TRAF7: variants seen among roughly 807,000 people sequenced by gnomAD.
TRAF7 encodes the protein TNF receptor associated factor 7.
Under a neutral mutation model 89.3 loss-of-function variants are expected in TRAF7, and 45 were observed. The observed-to-expected ratio is 0.50, with a 90% confidence interval of 0.40 to 0.65. TRAF7 has a LOEUF of 0.65. Ranked by LOEUF, TRAF7 falls within the 30% of genes least tolerant of loss-of-function variation. The probability of loss-of-function intolerance (pLI) is 0.00; values close to 1 mark genes in which losing one functional copy is unlikely to be tolerated. For synonymous variants in TRAF7, 406 were observed against 369.2 expected, an observed-to-expected ratio of 1.10 and a Z score of -1.14; for missense variants, 677 against 918.1, an observed-to-expected ratio of 0.74 and a Z score of 3.39.
chr16:2,163,436 C>CGCACCT lies in TRAF7; in HGVS notation c.-38-446_-38-445insCACCTG. On this transcript the variant is annotated intron_variant, in intron 1 of 20. Coordinates refer to ENST00000326181, the MANE Select transcript of TRAF7 (RefSeq NM_032271.3). The surrounding 1 kb of genome is among the most constrained non-coding windows in gnomAD (Gnocchi z 4.3). ...CACCTGTCGTGGCAGGAAACACATTCGTCGTGCCTTGGCTGGTCCCTGTGT... is the reference window on the plus strand; with the variant it reads ...CACCTGTCGTGGCAGGAAACACATTCGCACCTGTCGTGCCTTGGCTGGTCCCTGTGT... 1 of 179,448 alleles carries CGCACCT rather than the reference C, an allele frequency of 5.6e-6. No individual in the cohort carries two copies. The highest frequency in any genetic ancestry group is 2.4e-5 in the African/African-American group (1 of 41,764). The allele number at this position is 179,448 out of a possible 1,614,324, so 11.1% of individuals were successfully genotyped here. A position where few individuals can be genotyped will look rare whatever the true frequency, so the allele number is the denominator to read the frequency against.
chr16:2,169,980 G>C (rs1469025899), intron 4 of TRAF7, among the ~76,000 whole-genome samples: 1 of 152,144 alleles, frequency 6.6e-6, no homozygotes, highest in Non-Finnish European at 1.5e-5. Flanking sequence ...CCAGAGGGGA[G>C]GAAGGGACAG....
At position 2,175,430 on chromosome 16, in the gene TRAF7, G is replaced by C. The variant is rs776446799; in HGVS notation, c.1503+13G>C. 5 of 1,613,274 alleles carry C rather than the reference G, an allele frequency of 3.1e-6. No individual in the cohort carries two copies. In the South Asian group the frequency reaches 5.5e-5, roughly 18 times the overall value. ...GAAGGCCATCAAGGTACGGGTGGAG[G>C]CTGTGCCTACGTGTGTGTCACTGAG... On this transcript the variant is annotated intron_variant, in intron 16 of 20. Coordinates refer to ENST00000326181, the MANE Select transcript of TRAF7 (RefSeq NM_032271.3).
At position 2,175,493 on chromosome 16, in the gene TRAF7, C is replaced by T. The variant is rs1395248736; in HGVS notation, c.1504-7C>T. The stretch of plus-strand genomic sequence containing the variant: ...CGCCCAGCCCACAGTTGCAGCAATC[C>T]CTGCAGGTCTGGGACATCGTGGGCA... On this transcript the variant is annotated splice_polypyrimidine_tract_variant and splice_region_variant and intron_variant, in intron 16 of 20. Coordinates refer to ENST00000326181, the MANE Select transcript of TRAF7 (RefSeq NM_032271.3). 6.2e-7 allele frequency: 1 copy of T among 1,613,034 alleles called. No homozygotes were observed. The highest frequency in any genetic ancestry group is 1.3e-5 in the African/African-American group (1 of 74,938).
At chr16:2,165,776 GTGGCC>G in intron 2 of TRAF7, 98 bp from the exon 3 acceptor site, 1 of 1,347,744 alleles carries the variant, frequency 7.4e-7, no homozygotes, top group Non-Finnish European at 1.1e-6. Context: ...TGAGTGCTGC[GTGGCC>G]TGGCCTGGTC....
chr16:2,170,673 A>G lies in TRAF7; in HGVS notation c.291A>G (p.Ser97=), dbSNP rs368178476. 2.5e-6 allele frequency: 4 copies of G among 1,609,446 alleles called. No individual in the cohort carries two copies. The African/African-American group carries it at 5.4e-5, about 22-fold the overall frequency. The change falls in exon 5 of 21, where the codon TCA becomes TCG. Residue 97 remains serine (S), a synonymous_variant. Transcript: ENST00000326181. ...DSAISVRSLH[S]ESSMSLRSTF... ...CCATCTCTGTCCGCTCCCTGCACTC[A>G]GAGTCCAGCATGTCTCTGCGCTCCA...
Position 2,159,812 on chromosome 16 carries a change from G to A in TRAF7, c.-39+3954G>A, listed in dbSNP as rs906099521. ...ACCCCACCTGCTCCGGGTTGCTGGA[G>A]GAGCTGCTTTAAGGCCGGGCCTGGC... On this transcript the variant is annotated intron_variant, in intron 1 of 20. Coordinates refer to ENST00000326181, the MANE Select transcript of TRAF7 (RefSeq NM_032271.3). The surrounding 1 kb of genome is among the most constrained non-coding windows in gnomAD (Gnocchi z 6.5). 1.3e-5 allele frequency among the ~76,000 whole-genome samples: 2 copies of A among 152,244 alleles called. No individual in the cohort carries two copies. Among genetic ancestry groups the A allele is most frequent in the Admixed American group, 6.5e-5 (1 of 15,288 alleles).
At chr16:2,166,842 C>T (rs983214744) in intron 3 of TRAF7, among the ~76,000 whole-genome samples, 26 of 152,370 alleles carry the variant, frequency 1.7e-4, no homozygotes, top group African/African-American at 5.0e-4. Flanking sequence ...GGAGACCATG[C>T]GGAAGTGGCA....
In TRAF7 at chr16:2,168,182, C is replaced by A; in HGVS notation, c.231+14C>A. 3 of 1,598,600 alleles carry A rather than the reference C, an allele frequency of 1.9e-6. No homozygotes were observed. Among genetic ancestry groups the A allele is most frequent in the East Asian group, 2.3e-5 (1 of 44,042 alleles). On this transcript the variant is annotated intron_variant, in intron 4 of 20. Coordinates refer to ENST00000326181, the MANE Select transcript of TRAF7 (RefSeq NM_032271.3). The surrounding 1 kb of genome is among the most constrained non-coding windows in gnomAD (Gnocchi z 4.1). ...GAGGACAGCATGGTAGGTCCCTACCCCCAGGAGCCCGTGTGAGCCTCAGCC... is the reference window on the plus strand; with the variant it reads ...GAGGACAGCATGGTAGGTCCCTACCACCAGGAGCCCGTGTGAGCCTCAGCC...
At chr16:2,173,863 G>GCCCCCCCCCC in intron 12 of TRAF7, 27 bp downstream of exon 12, 1 of 894,614 alleles carries the variant, frequency 1.1e-6, no homozygotes, top group Non-Finnish European at 1.5e-6. Context: ...CGTGGCTCCC[G>GCCCCCCCCCC]CCCACCCTCC....
Position 2,177,972 on chromosome 16 carries a change from G to C in TRAF7, c.*1398G>C, listed in dbSNP as rs758817740. On this transcript the variant is annotated 3_prime_UTR_variant, in exon 21 of 21. Transcript: ENST00000326181. ...CTGGGCCTCTAACAGCTTTTGTCCG[G>C]AGCTAGACTTCGTGTCCTTTCAGTT... 2.6e-6 allele frequency: 1 copy of C among 381,196 alleles called. No individual in the cohort carries two copies. Among genetic ancestry groups the C allele is most frequent in the Non-Finnish European group, 4.9e-6 (1 of 202,868 alleles). The allele number at this position is 381,196 out of a possible 1,614,324, so 23.6% of individuals were successfully genotyped here.
chr16:2,173,674 G>T, intron 11 of TRAF7, 114 bp from the exon 12 acceptor site: 1 of 1,571,066 alleles, frequency 6.4e-7, no homozygotes, highest in Non-Finnish European at 8.7e-7. Context: ...GTGTGTGGCA[G>T]GGGCTGCTGT....
Position 2,175,770 on chromosome 16 carries a change from G to C in TRAF7, c.1627-64G>C, listed in dbSNP as rs2093133103. 5 of 1,602,538 alleles carry C rather than the reference G, an allele frequency of 3.1e-6. No individual in the cohort carries two copies. In the Admixed American group the frequency reaches 8.4e-5, roughly 27 times the overall value. Reference sequence around the variant, plus strand: ...CTGCCCAGCAGTGCTGAAGCCCTGGGGGTGCGGGGGCCCTGGGGGTGAAGC... The same window carrying C: ...CTGCCCAGCAGTGCTGAAGCCCTGGCGGTGCGGGGGCCCTGGGGGTGAAGC... On this transcript the variant is annotated intron_variant, in intron 17 of 20. Coordinates refer to ENST00000326181, the MANE Select transcript of TRAF7 (RefSeq NM_032271.3).
Position 2,175,550 on chromosome 16 carries a change from C to T in TRAF7, c.1554C>T (p.Gly518=), listed in dbSNP as rs1228908362. Residue 518 remains glycine (G), a synonymous_variant, in exon 17 of 21, where the codon GGC becomes GGT. Transcript: ENST00000326181. ...TGAAGTTGAAGAAGGAGCTCACAGG[C>T]CTCAACCACTGGGTGCGGGCCCTGG... The part of the protein sequence containing the change: ...TELKLKKELT[G]LNHWVRALVA... 1.2e-6 allele frequency: 2 copies of T among 1,613,182 alleles called. No homozygotes were observed. Among genetic ancestry groups the T allele is most frequent in the Non-Finnish European group, 1.7e-6 (2 of 1,179,992 alleles).
In TRAF7 at chr16:2,174,264, G is replaced by C. The variant is rs993840346; in HGVS notation, c.1277G>C (p.Cys426Ser). ...TGGTCTCTGCAGGTGTGGGACACATGTACCACCTACAAGTGTCAGAAGACA... is the reference window on the plus strand; with the variant it reads ...TGGTCTCTGCAGGTGTGGGACACATCTACCACCTACAAGTGTCAGAAGACA... The part of the protein sequence containing the change: ...SDKTIKVWDT[C>S]TTYKCQKTLE... The change falls in exon 14 of 21, where the codon TGT (cysteine) becomes TCT (serine). Residue 426 changes from cysteine (C) to serine (S), a missense_variant. Cys to Ser is a moderately radical substitution (Grantham distance 112). Coordinates refer to ENST00000326181, the MANE Select transcript of TRAF7 (RefSeq NM_032271.3). The C allele has an allele frequency of 1.2e-6, 2 of 1,613,078 alleles. No homozygotes were observed. The highest frequency in any genetic ancestry group is 1.7e-5 in the Admixed American group (1 of 60,018).
intron 3 of TRAF7, among the ~76,000 whole-genome samples, chr16:2,166,767 C>A (rs1269906947): frequency 6.6e-6 from 1 of 152,242 alleles, no homozygotes; most frequent in Non-Finnish European, 1.5e-5. Context: ...AGCTTCCCTG[C>A]TGCTTCTCAG....
chr16:2,158,769 G>GGC lies in TRAF7; in HGVS notation c.-39+2912_-39+2913insCG. Among the ~76,000 whole-genome samples, 1 of 76,564 alleles carries GGC rather than the reference G, an allele frequency of 1.3e-5. No individual in the cohort carries two copies. Among genetic ancestry groups the GGC allele is most frequent in the East Asian group, 5.4e-4 (1 of 1,838 alleles). 50.2% of individuals were successfully genotyped at this position (76,564 alleles called of 152,430 possible). A position where few individuals can be genotyped will look rare whatever the true frequency, so the allele number is the denominator to read the frequency against. On this transcript the variant is annotated intron_variant, in intron 1 of 20. Transcript: ENST00000326181. This position sits in a 1 kb window ranked among gnomAD's most constrained non-coding sequence, Gnocchi z 4.7. ...TGGGACTGGGAAGCGTGGGCTCGGC[G>GGC]GGGGGGGGGGGGACACTGCCACCCT...
chr16:2,172,468 C>T lies in TRAF7; in HGVS notation c.663C>T (p.Asp221=), dbSNP rs748044013. ...CCCGCATCCCGCCCTGGCACAGGGA[C>T]CACGAGGGCAGCTGTGACTACAGGC... ...PFTIKLSARK[D]HEGSCDYRPV... Residue 221 remains aspartate, a synonymous_variant, in exon 9 of 21, where the codon GAC becomes GAT. Transcript: ENST00000326181. 8 of 1,610,434 alleles carry T rather than the reference C, an allele frequency of 5.0e-6. No homozygotes were observed. The highest frequency in any genetic ancestry group is 6.8e-6 in the Non-Finnish European group (8 of 1,179,206).
chr16:2,164,013 C>A lies in TRAF7; in HGVS notation c.81+12C>A. The A allele has an allele frequency of 6.2e-7, 1 of 1,600,750 alleles. No homozygotes were observed. Among genetic ancestry groups the A allele is most frequent in the Non-Finnish European group, 8.5e-7 (1 of 1,173,814 alleles). ...ACGTCACCACAGGGGTAAGGGTGTG[C>A]CCCTCTGCAAGCCCAACATCCCCAG... On this transcript the variant is annotated intron_variant, in intron 2 of 20. Coordinates refer to ENST00000326181, the MANE Select transcript of TRAF7 (RefSeq NM_032271.3).
At position 2,175,887 on chromosome 16, in the gene TRAF7, C is replaced by T. The variant is rs772885788; in HGVS notation, c.1680C>T (p.Gly560=). 1 of 1,613,562 alleles carries T rather than the reference C, an allele frequency of 6.2e-7. No homozygotes were observed. Among genetic ancestry groups the T allele is most frequent in the African/African-American group, 1.3e-5 (1 of 75,044 alleles). ...DCIHVLQTSG[G]SVYSIAVTNH... ...TCCACGTCCTGCAGACGTCTGGTGG[C>T]AGCGTCTACTCCATTGCTGTGACAA... is the stretch of plus-strand genomic sequence containing the variant. The change falls in exon 18 of 21, where the codon GGC becomes GGT. Residue 560 remains glycine, a synonymous_variant. Coordinates refer to ENST00000326181, the MANE Select transcript of TRAF7 (RefSeq NM_032271.3).
Sources: allele counts gnomAD v4.1 joint callset (sites outside exome capture counted in the v4.1 genomes callset), GRCh38; gene constraint gnomAD v4.1.1; non-coding constraint Gnocchi (gnomAD v3.1); transcripts MANE v1.5; gene names NCBI Gene and HGNC (gene_info 2026-07-23, HGNC 2026-07-21).